COL14A1: variants seen among roughly 807,000 people sequenced by gnomAD.
COL14A1 encodes collagen alpha-1(XIV) chain.
COL14A1 carries 136 observed loss-of-function variants against 230.3 expected under a neutral mutation model. That is an observed-to-expected ratio of 0.59 (90% CI 0.51 to 0.68). The LOEUF is 0.68. COL14A1 is among the 30% of genes least tolerant of loss of function. The pLI, the probability that COL14A1 is intolerant of heterozygous loss-of-function variation, is 0.00. For missense variants in COL14A1, 1,976 were observed against 2,215.8 expected, an observed-to-expected ratio of 0.89 and a Z score of 2.17; for synonymous variants, 792 against 784.1, an observed-to-expected ratio of 1.01 and a Z score of -0.17.
chr8:120,173,686 C>CTATA (rs1302435334), intron 5 of COL14A1, among the ~76,000 whole-genome samples: 1 of 151,654 alleles, frequency 6.6e-6, no homozygotes, highest in East Asian at 1.9e-4. Flanking sequence ...ATCTATCTAT[C>CTATA]TATCTATCTA....
intron 1 of COL14A1, among the ~76,000 whole-genome samples, chr8:120,140,968 A>G (rs1221105883): frequency 1.3e-5 from 2 of 152,220 alleles, no homozygotes; most frequent in African/African-American, 4.8e-5. Flanking sequence ...CGAATAGAGA[A>G]CTAAGTAGCC....
At chr8:120,236,344 G>T (rs547740951) in intron 19 of COL14A1, among the ~76,000 whole-genome samples, 1 of 152,166 alleles carries the variant, frequency 6.6e-6, no homozygotes, top group South Asian at 2.1e-4. Flanking sequence ...TCCTCTTGTT[G>T]CATTGATCCC....
chr8:120,293,715 T>A (rs971293125), intron 34 of COL14A1, among the ~76,000 whole-genome samples: 5 of 151,828 alleles, frequency 3.3e-5, no homozygotes, highest in Non-Finnish European at 7.4e-5. Flanking sequence ...GGAAGTTTGG[T>A]TTGTACTAGA....
At chr8:120,149,963 G>A (rs1054235076) in intron 2 of COL14A1, among the ~76,000 whole-genome samples, 6 of 152,224 alleles carry the variant, frequency 3.9e-5, no homozygotes, top group African/African-American at 1.4e-4. Flanking sequence ...CAAAGTGCTG[G>A]GATTACAGGT....
rs766406533 is a variant in COL14A1, at chr8:120,226,665, G to A, written c.1903G>A (p.Val635Met). 11 of 1,613,802 alleles carry A rather than the reference G, an allele frequency of 6.8e-6. No homozygotes were observed. Among genetic ancestry groups the A allele is most frequent in the Non-Finnish European group, 9.3e-6 (11 of 1,179,832 alleles). ...CCAGCAATACTTAGAAATTGATGAG[G>A]TGACGACAGACAGTTTTAGGGTGAC... ...PAQQYLEIDEVTTDSFRVTWH... is the reference protein window; with the variant it reads ...PAQQYLEIDEMTTDSFRVTWH... The change falls in exon 16 of 48, where the codon GTG becomes ATG. Residue 635 changes from valine to methionine, a missense_variant. Val to Met is a conservative substitution (Grantham distance 21). This residue lies in a region of COL14A1 where 1,791 missense variants were observed against 2,019.5 expected (regional missense o/e 0.89). Transcript: ENST00000297848.
chr8:120,364,353 A>G (rs1030065039), intron 45 of COL14A1, among the ~76,000 whole-genome samples: 21 of 152,140 alleles, frequency 1.4e-4, no homozygotes, highest in Non-Finnish European at 8.8e-5. Context: ...TCAAAAATAT[A>G]TCCAGATCTA....
At chr8:120,266,428 G>A (rs2129793228) in intron 24 of COL14A1, among the ~76,000 whole-genome samples, 1 of 152,204 alleles carries the variant, frequency 6.6e-6, no homozygotes, top group East Asian at 1.9e-4. Context: ...AGGGAAAAGT[G>A]CTATTGAGCA....
At chr8:120,327,921 C>G (rs1345271282) in intron 40 of COL14A1, among the ~76,000 whole-genome samples, 3 of 151,946 alleles carry the variant, frequency 2.0e-5, no homozygotes, top group African/African-American at 4.8e-5. Context: ...TGAGCCACCA[C>G]GCCTGGCTAA....
At position 120,243,798 on chromosome 8, in the gene COL14A1, A is replaced by G; in HGVS notation, c.2350-81A>G. The G allele has an allele frequency of 3.4e-6, 5 of 1,480,020 alleles. No homozygotes were observed. The Admixed American group carries it at 1.0e-4, about 30-fold the overall frequency. The allele number at this position is 1,480,020 out of a possible 1,614,324, so 91.7% of individuals were successfully genotyped here. Reference sequence around the variant, plus strand: ...CATCTCTTTTCTTTTGATTATTTCAAAATGCATAAAGTTATGCTCCATTAC... The same window carrying G: ...CATCTCTTTTCTTTTGATTATTTCAGAATGCATAAAGTTATGCTCCATTAC... On this transcript the variant is annotated intron_variant, in intron 19 of 47. Coordinates refer to ENST00000297848, the MANE Select transcript of COL14A1 (RefSeq NM_021110.4).
Position 120,367,054 on chromosome 8 carries a change from A to C in COL14A1, c.5078-117A>C, listed in dbSNP as rs573849430. The C allele has an allele frequency of 3.3e-4, 235 of 717,046 alleles. 1 individual carries two copies. The South Asian group carries it at 4.9e-3, about 15-fold the overall frequency. 44.4% of individuals were successfully genotyped at this position (717,046 alleles called of 1,614,324 possible). A position where few individuals can be genotyped will look rare whatever the true frequency, so the allele number is the denominator to read the frequency against. ...AAGTCCCATGGTACTCATAACCCCAAACGAACCCACTTAATTGTCTTCATC... is the reference window on the plus strand; with the variant it reads ...AAGTCCCATGGTACTCATAACCCCACACGAACCCACTTAATTGTCTTCATC... On this transcript the variant is annotated intron_variant, in intron 45 of 47. Transcript: ENST00000297848.
At chr8:120,305,783 A>G (rs1425121990) in intron 36 of COL14A1, among the ~76,000 whole-genome samples, 1 of 151,804 alleles carries the variant, frequency 6.6e-6, no homozygotes, top group African/African-American at 2.4e-5. Context: ...CTTTTTTTGT[A>G]TTCCTTTTTT....
chr8:120,276,334 G>T (rs1819843967), intron 26 of COL14A1, among the ~76,000 whole-genome samples: 2 of 149,778 alleles, frequency 1.3e-5, no homozygotes, highest in Admixed American at 1.4e-4. Context: ...ACACAGGGTG[G>T]TATAATGGAC....
chr8:120,350,738 AAGTCCTG>A (rs1299865885), intron 45 of COL14A1, among the ~76,000 whole-genome samples: 1 of 147,048 alleles, frequency 6.8e-6, no homozygotes, highest in East Asian at 2.0e-4. Flanking sequence ...TTCATAAAGC[AAGTCCTG>A]AGTGACCTAC....
chr8:120,185,633 C>T (rs1274437647), intron 5 of COL14A1, among the ~76,000 whole-genome samples: 3 of 152,134 alleles, frequency 2.0e-5, no homozygotes, highest in Non-Finnish European at 4.4e-5. Flanking sequence ...CACTGCACTC[C>T]AGCCTGGGTA....
At chr8:120,158,027 A>G in intron 2 of COL14A1, 103 bp from the exon 3 acceptor site, 1 of 624,886 alleles carries the variant, frequency 1.6e-6, no homozygotes, top group South Asian at 2.1e-5. Flanking sequence ...AGGCTGATGA[A>G]GTCTTTTGTG....
chr8:120,275,418 G>A (rs1483341889), intron 26 of COL14A1, among the ~76,000 whole-genome samples: 1 of 151,730 alleles, frequency 6.6e-6, no homozygotes, highest in African/African-American at 2.4e-5. Context: ...AACTCTTCTG[G>A]ACATTGACCT....
At chr8:120,156,369 G>A (rs1433394085) in intron 2 of COL14A1, among the ~76,000 whole-genome samples, 2 of 152,052 alleles carry the variant, frequency 1.3e-5, no homozygotes, top group Non-Finnish European at 2.9e-5. Context: ...GGGTTTCACC[G>A]TGTTGGTCAG....
intron 21 of COL14A1, among the ~76,000 whole-genome samples, chr8:120,248,585 G>A (rs1818832614): frequency 6.6e-6 from 1 of 152,182 alleles, no homozygotes; most frequent in East Asian, 1.9e-4. Context: ...GGCTGGGTGT[G>A]GTGGCTCATG....
Position 120,317,698 on chromosome 8 carries a change from T to G in COL14A1, c.4659+1701T>G, listed in dbSNP as rs115484994. Reference sequence around the variant, plus strand: ...AACTCACAAATCAAACATGTTGAATTAGTGTTTGAATCATTTGGTTTTGGA... The same window carrying G: ...AACTCACAAATCAAACATGTTGAATGAGTGTTTGAATCATTTGGTTTTGGA... On this transcript the variant is annotated intron_variant, in intron 40 of 47. Transcript: ENST00000297848. Among the ~76,000 whole-genome samples the G allele has an allele frequency of 4.3e-3, 660 of 152,336 alleles. 4 individuals carry two copies. The highest frequency in any genetic ancestry group is 0.015 in the African/African-American group (643 of 41,582).
Sources: allele counts gnomAD v4.1 joint callset (sites outside exome capture counted in the v4.1 genomes callset), GRCh38; gene constraint gnomAD v4.1.1; regional missense constraint gnomAD v4.1.1; transcripts MANE v1.5; gene names NCBI Gene and HGNC (gene_info 2026-07-23, HGNC 2026-07-21).